Variants in LRBA observed in about 807,000 individuals in gnomAD.
The protein encoded by LRBA is LPS responsive beige-like anchor protein.
In LRBA, 176 loss-of-function variants were observed where a neutral mutation model predicts 330.0. The ratio of observed to expected loss-of-function variants is 0.53; its 90% CI spans 0.47 to 0.60. The LOEUF is 0.60. Among genes scored for constraint, LRBA ranks in the 20% least tolerant of loss-of-function variants. The probability of loss-of-function intolerance (pLI) is 0.00; values close to 1 mark genes in which losing one functional copy is unlikely to be tolerated. For synonymous variants in LRBA, 1,230 were observed against 1,193.0 expected, an observed-to-expected ratio of 1.03 and a Z score of -0.64; for missense variants, 3,259 against 3,444.8, an observed-to-expected ratio of 0.95 and a Z score of 1.35.
At chr4:150,559,227 A>G (rs1767733229) in intron 40 of LRBA, among the ~76,000 whole-genome samples, 2 of 152,144 alleles carry the variant, frequency 1.3e-5, no homozygotes, top group Non-Finnish European at 2.9e-5. Flanking sequence ...ATTTAGTCAG[A>G]CTAAAGAAAT....
At chr4:150,309,464 T>C (rs1273420066) in intron 52 of LRBA, among the ~76,000 whole-genome samples, 1 of 152,206 alleles carries the variant, frequency 6.6e-6, no homozygotes, top group Non-Finnish European at 1.5e-5. Context: ...TAAGAGCTCA[T>C]TTTAATTATT....
At chr4:150,632,635 C>T (rs1199857167) in intron 37 of LRBA, among the ~76,000 whole-genome samples, 1 of 152,030 alleles carries the variant, frequency 6.6e-6, no homozygotes, top group East Asian at 1.9e-4. Context: ...CTTATCCTAG[C>T]TCTCCTCCTA....
At chr4:150,519,145 G>C (rs768067620) in intron 40 of LRBA, among the ~76,000 whole-genome samples, 23 of 151,844 alleles carry the variant, frequency 1.5e-4, no homozygotes, top group Admixed American at 6.6e-4. Context: ...TCAAAGCCTT[G>C]CACATTTAAG....
intron 35 of LRBA, 91 bp downstream of exon 35, chr4:150,761,692 G>A: frequency 2.8e-6 from 2 of 711,406 alleles, no homozygotes; most frequent in Non-Finnish European, 4.7e-6. Flanking sequence ...TGAACAAACA[G>A]TAAATACAGA....
rs544287182 is a variant in LRBA, at chr4:150,354,741, C to A, written c.7195-4582G>T. 4.6e-5 allele frequency among the ~76,000 whole-genome samples: 7 copies of A among 151,770 alleles called. No homozygotes were observed. In the South Asian group the frequency reaches 1.5e-3, roughly 32 times the overall value. Reference sequence around the variant, plus strand: ...TGATATCTGTTTTTTTTAATGAGATCTATTAGGCAGAGTAAAATACTTCAG... The same window carrying A: ...TGATATCTGTTTTTTTTAATGAGATATATTAGGCAGAGTAAAATACTTCAG... On this transcript the variant is annotated intron_variant, in intron 47 of 56. Transcript: ENST00000651943.
chr4:150,910,009 ATTG>A (rs566236300), intron 9 of LRBA, among the ~76,000 whole-genome samples: 18 of 151,770 alleles, frequency 1.2e-4, no homozygotes, highest in Non-Finnish European at 2.2e-4. Flanking sequence ...TTGTTTTGTT[ATTG>A]TTGTTGTTGT....
At chr4:151,006,898 T>C (rs1744129453) in intron 2 of LRBA, among the ~76,000 whole-genome samples, 1 of 152,186 alleles carries the variant, frequency 6.6e-6, no homozygotes, top group African/African-American at 2.4e-5. Flanking sequence ...TAATATCTAC[T>C]CATGATAGCT....
At chr4:150,449,260 G>C (rs551154497) in intron 44 of LRBA, among the ~76,000 whole-genome samples, 1 of 152,242 alleles carries the variant, frequency 6.6e-6, no homozygotes, top group African/African-American at 2.4e-5. Context: ...CTGGGGTAGG[G>C]TAAAAGCAAA....
intron 44 of LRBA, among the ~76,000 whole-genome samples, chr4:150,449,978 C>T (rs375976277): frequency 6.6e-6 from 1 of 152,042 alleles, no homozygotes; most frequent in Non-Finnish European, 1.5e-5. Context: ...GACCTCAACA[C>T]CCCAATTAAA....
intron 4 of LRBA, among the ~76,000 whole-genome samples, chr4:150,923,846 T>C (rs148882525): frequency 2.0e-5 from 3 of 152,216 alleles, no homozygotes; most frequent in Non-Finnish European, 4.4e-5. Flanking sequence ...TTTTTATAGA[T>C]GATATAAATT....
At chr4:150,820,417 T>C (rs1334212631) in intron 30 of LRBA, among the ~76,000 whole-genome samples, 1 of 151,996 alleles carries the variant, frequency 6.6e-6, no homozygotes, top group East Asian at 1.9e-4. Flanking sequence ...CATATTAACA[T>C]TTAAACATAA....
At chr4:150,706,924 A>G (rs1329463966) in intron 36 of LRBA, among the ~76,000 whole-genome samples, 2 of 151,858 alleles carry the variant, frequency 1.3e-5, no homozygotes, top group African/African-American at 4.8e-5. Context: ...TGCAAGTGAC[A>G]AAAGTCCAAA....
At chr4:150,309,858 C>T (rs1730831659) in intron 52 of LRBA, among the ~76,000 whole-genome samples, 1 of 152,036 alleles carries the variant, frequency 6.6e-6, no homozygotes, top group Non-Finnish European at 1.5e-5. Context: ...AAAAGAAAAT[C>T]CTTTAAATAA....
At chr4:150,739,855 G>A (rs1202192360) in intron 35 of LRBA, among the ~76,000 whole-genome samples, 1 of 152,138 alleles carries the variant, frequency 6.6e-6, no homozygotes, top group Non-Finnish European at 1.5e-5. Context: ...GATCATGGAA[G>A]CAGATCCTTT....
rs539713974 is a variant in LRBA at position 150,787,176 on chromosome 4, C to T, written c.5580+10905G>A. Among the ~76,000 whole-genome samples the T allele has an allele frequency of 5.9e-5, 9 of 151,510 alleles. No individual in the cohort carries two copies. The South Asian group carries it at 1.5e-3, about 25-fold the overall frequency. ...CGGAGGTTGCAGGGAGCCAAGATTG[C>T]GCCACTGCACTCCAGCGTGGGTGAC... On this transcript the variant is annotated intron_variant, in intron 34 of 56. Transcript: ENST00000651943.
intron 2 of LRBA, among the ~76,000 whole-genome samples, chr4:150,961,513 G>A (rs1342848751): frequency 6.7e-6 from 1 of 149,140 alleles, no homozygotes; most frequent in Non-Finnish European, 1.5e-5. Context: ...AACAGCTGCA[G>A]AAAATGAGTT....
At chr4:150,993,090 C>A (rs892306458) in intron 2 of LRBA, among the ~76,000 whole-genome samples, 1 of 151,504 alleles carries the variant, frequency 6.6e-6, no homozygotes, top group Admixed American at 6.6e-5. Context: ...AAGACCCTAG[C>A]CTGGGCAACA....
intron 2 of LRBA, among the ~76,000 whole-genome samples, chr4:150,960,079 A>G (rs899342298): frequency 9.4e-5 from 14 of 148,836 alleles, no homozygotes; most frequent in Admixed American, 9.2e-4. Context: ...GTGCCACTGG[A>G]TAACTAAATA....
intron 40 of LRBA, among the ~76,000 whole-genome samples, chr4:150,548,835 T>C (rs1766197359): frequency 6.6e-6 from 1 of 152,196 alleles, no homozygotes; most frequent in South Asian, 2.1e-4. Context: ...TGCTATTACC[T>C]GTTTTTCCAC....
Sources: allele counts gnomAD v4.1 joint callset (sites outside exome capture counted in the v4.1 genomes callset), GRCh38; gene constraint gnomAD v4.1.1; transcripts MANE v1.5; gene names NCBI Gene and HGNC (gene_info 2026-07-23, HGNC 2026-07-21).